Variants in MLIP observed in about 807,000 individuals in gnomAD.
MLIP encodes muscular LMNA-interacting protein.
MLIP carries 79 observed loss-of-function variants against 84.8 expected under a neutral mutation model. The ratio of observed to expected loss-of-function variants is 0.93; its 90% CI spans 0.78 to 1.12. The LOEUF is 1.12. Among genes scored for constraint, MLIP ranks in the 50% most tolerant of loss-of-function variants. The pLI, the probability that MLIP is intolerant of heterozygous loss-of-function variation, is 0.00. For synonymous variants in MLIP, 504 were observed against 463.0 expected (o/e 1.09, Z -1.14); for missense variants, 1,257 against 1,160.6 (o/e 1.08, Z -1.21).
At chr6:54,083,441 C>A in intron 1 of MLIP, 2 of 1,511,438 alleles carry the variant, frequency 1.3e-6, no homozygotes, top group Non-Finnish European at 8.8e-7. Context: ...TTGTACAGTG[C>A]TTTGTCATCT....
rs1192881745 is a variant in MLIP, at chr6:54,138,287, G to T, written c.2217+1G>T. Reference sequence around the variant, plus strand: ...AGGCCCAGAAAATAAGAAATCAAAGGTATTTTTTGCATGTTGCATGGTGCA... The same window carrying T: ...AGGCCCAGAAAATAAGAAATCAAAGTTATTTTTTGCATGTTGCATGGTGCA... On this transcript the variant is annotated splice_donor_variant, in intron 4 of 13. Coordinates refer to ENST00000502396, the MANE Select transcript of MLIP (RefSeq NM_001281747.2). LOFTEE classifies it high-confidence loss of function. The T allele has an allele frequency of 6.5e-7, 1 of 1,532,250 alleles. No individual in the cohort carries two copies. Among genetic ancestry groups the T allele is most frequent in the East Asian group, 2.4e-5 (1 of 40,844 alleles). 94.9% of individuals were successfully genotyped at this position (1,532,250 alleles called of 1,614,324 possible).
intron 12 of MLIP, among the ~76,000 whole-genome samples, chr6:54,238,815 C>T (rs1252244134): frequency 6.6e-6 from 1 of 151,924 alleles, no homozygotes; most frequent in Non-Finnish European, 1.5e-5. Context: ...TTTTTTCTTT[C>T]ATTTAAAAAA....
At chr6:54,195,987 G>A (rs1251370615) in intron 10 of MLIP, among the ~76,000 whole-genome samples, 4 of 152,078 alleles carry the variant, frequency 2.6e-5, no homozygotes, top group Admixed American at 2.6e-4. Context: ...TTCTGAAGAT[G>A]AGAACTTTGG....
chr6:54,041,672 C>A (rs2150302441), intron 1 of MLIP, among the ~76,000 whole-genome samples: 1 of 152,196 alleles, frequency 6.6e-6, no homozygotes, highest in South Asian at 2.1e-4. Flanking sequence ...TCCCTCGTGG[C>A]CAATAATGTT....
chr6:54,211,388 C>A (rs140312472), intron 11 of MLIP, among the ~76,000 whole-genome samples: 1 of 152,134 alleles, frequency 6.6e-6, no homozygotes, highest in Non-Finnish European at 1.5e-5. Flanking sequence ...GAATTGCATG[C>A]GGTTGAAGAC....
At chr6:54,249,119 C>A (rs1049195318) in intron 12 of MLIP, among the ~76,000 whole-genome samples, 5 of 151,982 alleles carry the variant, frequency 3.3e-5, no homozygotes, top group Non-Finnish European at 7.4e-5. Flanking sequence ...TAAAGAAGAC[C>A]TTTATTTCTG....
chr6:54,213,623 A>T (rs1582520270), intron 11 of MLIP, among the ~76,000 whole-genome samples: 1 of 140,686 alleles, frequency 7.1e-6, no homozygotes, highest in South Asian at 2.4e-4. Context: ...AATTGCTTGA[A>T]CCCGGGAGGT....
intron 9 of MLIP, among the ~76,000 whole-genome samples, chr6:54,178,545 A>C (rs2150626812): frequency 6.6e-6 from 1 of 152,138 alleles, no homozygotes; most frequent in South Asian, 2.1e-4. Flanking sequence ...TACAGCTATA[A>C]ATTTTACTGC....
At chr6:54,110,535 C>A (rs1471883942), upstream of MLIP, among the ~76,000 whole-genome samples, 1 of 152,142 alleles carries the variant, frequency 6.6e-6, no homozygotes. Context: ...CTAATAGAAT[C>A]ACTTATAGCA....
At chr6:54,193,183 T>TCTTAG (rs891573083) in intron 10 of MLIP, among the ~76,000 whole-genome samples, 4 of 152,174 alleles carry the variant, frequency 2.6e-5, no homozygotes, top group African/African-American at 9.7e-5. Context: ...AGTTCACCAA[T>TCTTAG]CTTAGCTTCT....
chr6:54,046,527 T>C (rs1765063523), intron 1 of MLIP: 1 of 152,236 alleles, frequency 6.6e-6, no homozygotes, highest in South Asian at 2.1e-4. Context: ...TTAAACATGC[T>C]AATAAGCCAT....
intron 1 of MLIP, among the ~76,000 whole-genome samples, chr6:54,039,246 A>G (rs1764610936): frequency 6.6e-6 from 1 of 152,030 alleles, no homozygotes; most frequent in Non-Finnish European, 1.5e-5. Context: ...GTAATGTGCT[A>G]GAGAAAATGG....
At chr6:54,216,976 T>C in intron 11 of MLIP, 1 of 985,416 alleles carries the variant, frequency 1.0e-6, no homozygotes, top group Non-Finnish European at 1.2e-6. Context: ...TTGATTTAAA[T>C]TAAAACTGTA....
chr6:54,148,718 TC>T (rs1349038811), intron 4 of MLIP, among the ~76,000 whole-genome samples: 19 of 152,272 alleles, frequency 1.2e-4, no homozygotes, highest in African/African-American at 4.6e-4. Context: ...CCATCTCCTG[TC>T]CTCATGTATA....
At chr6:54,121,327 G>C (rs1195665249) in intron 1 of MLIP, 120 bp from the exon 2 acceptor site, 5 of 1,030,918 alleles carry the variant, frequency 4.9e-6, no homozygotes, top group East Asian at 2.5e-5. Flanking sequence ...CCATATACAT[G>C]ATCACAGGAC....
At chr6:54,020,955 C>A (rs1399119547) in intron 1 of MLIP, among the ~76,000 whole-genome samples, 1 of 152,212 alleles carries the variant, frequency 6.6e-6, no homozygotes, top group Non-Finnish European at 1.5e-5. Context: ...AGGAACCTGG[C>A]ACCTTTCAGA....
At chr6:54,155,427 T>C (rs1164545148) in intron 5 of MLIP, among the ~76,000 whole-genome samples, 1 of 152,248 alleles carries the variant, frequency 6.6e-6, no homozygotes, top group African/African-American at 2.4e-5. Context: ...GGGGATTGAT[T>C]TGATCGTTAC....
chr6:54,103,721 A>G (rs1017307628), intron 1 of MLIP, among the ~76,000 whole-genome samples: 1 of 152,186 alleles, frequency 6.6e-6, no homozygotes, highest in Non-Finnish European at 1.5e-5. Context: ...AGTACAAATG[A>G]AAAGAAATGA....
intron 12 of MLIP, among the ~76,000 whole-genome samples, chr6:54,253,913 A>T (rs1020512898): frequency 9.9e-5 from 15 of 151,918 alleles, no homozygotes; most frequent in African/African-American, 3.6e-4. Flanking sequence ...AATTCTCTTG[A>T]ATTTTCCATT....
Sources: gnomAD v4.1 joint callset for allele counts (sites outside exome capture counted in the v4.1 genomes callset) on GRCh38, gnomAD v4.1.1 for gene constraint, MANE v1.5 for transcripts, NCBI Gene and HGNC (gene_info 2026-07-23, HGNC 2026-07-21) for gene names.